Variants in CCDC80 observed in about 807,000 individuals in gnomAD.
The protein encoded by CCDC80 is coiled-coil domain containing 80.
Under a neutral mutation model 78.7 loss-of-function variants are expected in CCDC80, and 49 were observed. The ratio of observed to expected loss-of-function variants is 0.62; its 90% CI spans 0.50 to 0.79. CCDC80 has a LOEUF of 0.79. CCDC80 is among the 30% of genes least tolerant of loss of function. The pLI, the probability that CCDC80 is intolerant of heterozygous loss-of-function variation, is 0.00. For synonymous variants in CCDC80, 488 were observed against 447.0 expected, an observed-to-expected ratio of 1.09 and a Z score of -1.16; for missense variants, 1,205 against 1,198.6, an observed-to-expected ratio of 1.01 and a Z score of -0.08.
chr3:112,628,515 T>C (rs1340323181), intron 3 of CCDC80, among the ~76,000 whole-genome samples: 1 of 152,192 alleles, frequency 6.6e-6, no homozygotes, highest in Non-Finnish European at 1.5e-5. Flanking sequence ...GACTGGCATT[T>C]CTGTATACTA....
At chr3:112,626,667 C>T (rs556770433) in intron 3 of CCDC80, among the ~76,000 whole-genome samples, 2 of 152,214 alleles carry the variant, frequency 1.3e-5, no homozygotes, top group Admixed American at 1.3e-4. Flanking sequence ...CCTGCCTCAA[C>T]CCCCCAAATA....
intron 3 of CCDC80, among the ~76,000 whole-genome samples, chr3:112,626,019 T>C (rs1372769506): frequency 6.6e-6 from 1 of 152,192 alleles, no homozygotes; most frequent in East Asian, 1.9e-4. Flanking sequence ...ATGACTACAA[T>C]TGGAAGAGCC....
intron 3 of CCDC80, among the ~76,000 whole-genome samples, chr3:112,625,692 G>T (rs1281927424): frequency 1.3e-5 from 2 of 151,852 alleles, no homozygotes; most frequent in East Asian, 3.9e-4. Context: ...AAAATATATA[G>T]GTATTTATTT....
intron 1 of CCDC80, 121 bp from the exon 2 acceptor site, chr3:112,640,037 G>A (rs965576614): frequency 6.9e-7 from 1 of 1,439,960 alleles, no homozygotes; most frequent in Non-Finnish European, 9.1e-7. Flanking sequence ...GAGGGGAAAA[G>A]GTTGGTTAGA....
At chr3:112,637,510 T>A (rs566137380) in intron 2 of CCDC80, among the ~76,000 whole-genome samples, 3 of 152,340 alleles carry the variant, frequency 2.0e-5, no homozygotes, top group Admixed American at 6.5e-5. Context: ...AATGTTGATA[T>A]AGAGCTAATT....
chr3:112,620,348 A>G (rs1053653524), intron 3 of CCDC80, among the ~76,000 whole-genome samples: 13 of 152,224 alleles, frequency 8.5e-5, no homozygotes, highest in African/African-American at 2.4e-4. Context: ...GTCCAAAGGA[A>G]AAGGAGCTGA....
intron 3 of CCDC80, among the ~76,000 whole-genome samples, chr3:112,623,803 C>T (rs1346443298): frequency 6.6e-6 from 1 of 152,068 alleles, no homozygotes; most frequent in Non-Finnish European, 1.5e-5. Flanking sequence ...CCCTCTCTTC[C>T]TGGAATGCTG....
Position 112,639,328 on chromosome 3 carries a change from G to T in CCDC80, c.578C>A (p.Ala193Glu). 2 of 1,614,110 alleles carry T rather than the reference G, an allele frequency of 1.2e-6. No individual in the cohort carries two copies. The highest frequency in any genetic ancestry group is 2.2e-5 in the South Asian group (2 of 91,070). ...TCTCACCTTGCCTCCTTCCTCACCT[G>T]CCTGGTGGAAGAGCACAATCTGTTG... ...HIQQIVLFHQAGEEGGKVRRI... is the reference protein window; with the variant it reads ...HIQQIVLFHQEGEEGGKVRRI... Residue 193 changes from alanine to glutamate, a missense_variant, in exon 2 of 8, where the codon GCA becomes GAA. Ala to Glu is a moderately radical substitution (Grantham distance 107, BLOSUM62 -1). Transcript: ENST00000206423.
chr3:112,616,688 A>T, intron 5 of CCDC80, 22 bp downstream of exon 5: 1 of 1,613,586 alleles, frequency 6.2e-7, no homozygotes. Flanking sequence ...CTTCCTCTTT[A>T]GCGACTCCAA....
intron 2 of CCDC80, among the ~76,000 whole-genome samples, chr3:112,632,400 A>G (rs1217601667): frequency 1.3e-5 from 2 of 152,184 alleles, no homozygotes; most frequent in South Asian, 2.1e-4. Context: ...ATATATTTAG[A>G]GGAGTTTCTA....
chr3:112,601,687 A>G lies in CCDC80; in HGVS notation c.*3730T>C, dbSNP rs1559872350. ...GAGTGAGACCCTCTCCAAAAAAAGA[A>G]AAAAAAAAAGAGAAAAAAAAGAAGC... On this transcript the variant is annotated 3_prime_UTR_variant, in exon 8 of 8. Coordinates refer to ENST00000206423, the MANE Select transcript of CCDC80 (RefSeq NM_199511.3). 1 of 62,944 alleles carries G rather than the reference A, an allele frequency of 1.6e-5. No homozygotes were observed. Among genetic ancestry groups the G allele is most frequent in the African/African-American group, 5.8e-5 (1 of 17,100 alleles). The allele number at this position is 62,944 out of a possible 1,614,324, so 3.9% of individuals were successfully genotyped here. A position where few individuals can be genotyped will look rare whatever the true frequency, so the allele number is the denominator to read the frequency against.
intron 3 of CCDC80, among the ~76,000 whole-genome samples, chr3:112,624,332 C>A (rs1935924634): frequency 6.6e-6 from 1 of 152,078 alleles, no homozygotes; most frequent in Non-Finnish European, 1.5e-5. Flanking sequence ...TCAGTAGGGG[C>A]CAAAACTCTC....
rs71633304 is a variant in CCDC80 at position 112,601,677 on chromosome 3, C to CAAAAAAAAAAA, written c.*3739_*3740insTTTTTTTTTTT. The CAAAAAAAAAAA allele has an allele frequency of 1.7e-4, 15 of 86,322 alleles. No homozygotes were observed. Among genetic ancestry groups the CAAAAAAAAAAA allele is most frequent in the African/African-American group, 7.3e-4 (14 of 19,310 alleles). 5.3% of individuals were successfully genotyped at this position (86,322 alleles called of 1,614,324 possible). On this transcript the variant is annotated 3_prime_UTR_variant, in exon 8 of 8. Transcript: ENST00000206423. ...CTGGGTGACAGAGTGAGACCCTCTC[C>CAAAAAAAAAAA]AAAAAAAGAAAAAAAAAAAGAGAAA...
intron 3 of CCDC80, among the ~76,000 whole-genome samples, chr3:112,622,680 G>A (rs1935890226): frequency 6.6e-6 from 1 of 151,948 alleles, no homozygotes; most frequent in African/African-American, 2.4e-5. Flanking sequence ...TTTTGAGATG[G>A]AGTCTTGCTC....
chr3:112,626,806 C>T (rs1935985092), intron 3 of CCDC80, among the ~76,000 whole-genome samples: 1 of 152,166 alleles, frequency 6.6e-6, no homozygotes, highest in Non-Finnish European at 1.5e-5. Context: ...CGTCGGCCTC[C>T]CAAAGTATTG....
chr3:112,601,685 G>GA lies in CCDC80; in HGVS notation c.*3731dup, dbSNP rs1245964700. ...CAGAGTGAGACCCTCTCCAAAAAAA[G>GA]AAAAAAAAAAAGAGAAAAAAAAGAA... is the stretch of plus-strand genomic sequence containing the variant. On this transcript the variant is annotated 3_prime_UTR_variant, in exon 8 of 8. Transcript: ENST00000206423. The GA allele has an allele frequency of 2.4e-3, 177 of 72,298 alleles. 2 individuals carry two copies. The highest frequency in any genetic ancestry group is 0.02 in the East Asian group (50 of 2,500). The allele number at this position is 72,298 out of a possible 1,614,324, so 4.5% of individuals were successfully genotyped here. A position where few individuals can be genotyped will look rare whatever the true frequency, so the allele number is the denominator to read the frequency against.
Position 112,619,031 on chromosome 3 carries a change from T to C in CCDC80, c.2109A>G (p.Lys703=), listed in dbSNP as rs1209592558. Residue 703 remains lysine (K), a synonymous_variant, in exon 4 of 8, where the codon AAA becomes AAG. Coordinates refer to ENST00000206423, the MANE Select transcript of CCDC80 (RefSeq NM_199511.3). ...VDQRLISELR[K]EYGMTYNDFF... ...AGTCATTGTAGGTCATTCCGTACTC[T>C]TTCCTCAGCTCGCTGATGAGACGCT... 1 of 1,611,984 alleles carries C rather than the reference T, an allele frequency of 6.2e-7. No individual in the cohort carries two copies. The highest frequency in any genetic ancestry group is 1.3e-5 in the African/African-American group (1 of 74,810).
Position 112,607,613 on chromosome 3 carries a change from C to T in CCDC80, c.2426-357G>A, listed in dbSNP as rs958581558. Reference sequence around the variant, plus strand: ...CACCCTGGCTAACATGGTGAAACCCCGTCTCTACTAACAATAAAAAAAATC... The same window carrying T: ...CACCCTGGCTAACATGGTGAAACCCTGTCTCTACTAACAATAAAAAAAATC... On this transcript the variant is annotated intron_variant, in intron 6 of 7. Transcript: ENST00000206423. 2.0e-4 allele frequency among the ~76,000 whole-genome samples: 30 copies of T among 152,144 alleles called. 1 individual carries two copies. Among genetic ancestry groups the T allele is most frequent in the Admixed American group, 1.2e-3 (19 of 15,282 alleles).
In CCDC80 at chr3:112,599,234, C is replaced by G. The variant is rs1261831518; in HGVS notation, c.*6183G>C. On this transcript the variant is annotated 3_prime_UTR_variant, in exon 8 of 8. Transcript: ENST00000206423. The stretch of plus-strand genomic sequence containing the variant: ...CAAGTCCAGTGGCCTTTTCATGATA[C>G]CCATTTCTGTGTATCATTTCATTGA... 1 of 152,188 alleles carries G rather than the reference C, an allele frequency of 6.6e-6. No homozygotes were observed. Among genetic ancestry groups the G allele is most frequent in the Non-Finnish European group, 1.5e-5 (1 of 68,054 alleles). The allele number at this position is 152,188 out of a possible 1,614,324, so 9.4% of individuals were successfully genotyped here.
Sources: gnomAD v4.1 joint callset for allele counts (sites outside exome capture counted in the v4.1 genomes callset) on GRCh38, gnomAD v4.1.1 for gene constraint, MANE v1.5 for transcripts, NCBI Gene and HGNC (gene_info 2026-07-23, HGNC 2026-07-21) for gene names.